Variants in TTC39B observed in about 807,000 individuals in gnomAD.
TTC39B encodes tetratricopeptide repeat protein 39B.
In TTC39B, 92 loss-of-function variants were observed where a neutral mutation model predicts 96.6. The ratio of observed to expected loss-of-function variants is 0.95; its 90% confidence interval spans 0.80 to 1.13. The LOEUF (loss-of-function observed/expected upper bound fraction) is 1.13. Ranked by LOEUF, TTC39B falls within the 50% of genes most tolerant of loss-of-function variation. The pLI is 0.00. For synonymous variants in TTC39B, 367 were observed against 299.4 expected, an observed-to-expected ratio of 1.23 and a Z score of -2.33; for missense variants, 955 against 809.3, an observed-to-expected ratio of 1.18 and a Z score of -2.18.
At position 15,176,187 on chromosome 9, in the gene TTC39B, T is replaced by C. The variant is rs114376348; in HGVS notation, c.1842-1052A>G. On this transcript the variant is annotated intron_variant, in intron 18 of 19. Transcript: ENST00000512701. ...ACTGTAGAGCAACTCTTCTTCAGTA[T>C]AGCCTCATGGGAATCTCAAGAAAAA... Among the ~76,000 whole-genome samples, 1,070 of 152,272 alleles carry C rather than the reference T, an allele frequency of 7.0e-3. 14 individuals carry two copies. The highest frequency in any genetic ancestry group is 0.024 in the African/African-American group (1,006 of 41,548).
intron 2 of TTC39B, among the ~76,000 whole-genome samples, chr9:15,250,840 G>A (rs1320833895): frequency 6.6e-6 from 1 of 152,188 alleles, no homozygotes; most frequent in Non-Finnish European, 1.5e-5. Flanking sequence ...TGCCTCAAGG[G>A]CTCTTGCACA....
chr9:15,265,030 C>A (rs1197302381), intron 2 of TTC39B, among the ~76,000 whole-genome samples: 2 of 151,888 alleles, frequency 1.3e-5, no homozygotes, highest in Admixed American at 6.6e-5. Flanking sequence ...ACTTATTTGA[C>A]AAAGGAGGTA....
At chr9:15,285,823 C>T (rs1272332765) in intron 1 of TTC39B, among the ~76,000 whole-genome samples, 1 of 152,130 alleles carries the variant, frequency 6.6e-6, no homozygotes, top group Non-Finnish European at 1.5e-5. Flanking sequence ...TGACTGCACT[C>T]CAGCCCAGGG....
intron 11 of TTC39B, 36 bp downstream of exon 11, chr9:15,190,518 T>C: frequency 6.3e-7 from 1 of 1,577,664 alleles, no homozygotes; most frequent in Non-Finnish European, 8.7e-7. Context: ...GCCAAGACAA[T>C]CAATGTTCAA....
At chr9:15,188,295 T>A (rs1235511014) in intron 13 of TTC39B, among the ~76,000 whole-genome samples, 163 bp from the exon 14 acceptor site, 1 of 152,244 alleles carries the variant, frequency 6.6e-6, no homozygotes, top group Non-Finnish European at 1.5e-5. Context: ...AATGATACAG[T>A]TAAGTTCTGC....
At chr9:15,247,646 T>A (rs1341164948) in intron 2 of TTC39B, among the ~76,000 whole-genome samples, 2 of 152,182 alleles carry the variant, frequency 1.3e-5, no homozygotes, top group Non-Finnish European at 2.9e-5. Context: ...TGAAGCATAA[T>A]CTGCCCATAA....
At chr9:15,288,913 T>C (rs1468780014) in intron 1 of TTC39B, among the ~76,000 whole-genome samples, 1 of 152,198 alleles carries the variant, frequency 6.6e-6, no homozygotes, top group Non-Finnish European at 1.5e-5. Flanking sequence ...CAGTCACACA[T>C]CCCATGAGGG....
At chr9:15,165,533 A>G (rs972566167) in exon 20 of TTC39B, 4 of 152,262 alleles carry the variant, frequency 2.6e-5, no homozygotes, top group African/African-American at 9.6e-5. Context: ...ATGAAGAAAT[A>G]TCTGAGACTG....
At chr9:15,182,479 CCAAA>C (rs1188496254) in intron 16 of TTC39B, 64 bp from the exon 17 acceptor site, 2 of 1,102,152 alleles carry the variant, frequency 1.8e-6, no homozygotes, top group South Asian at 1.5e-5. Context: ...TTTATGATCC[CCAAA>C]CAATGTTCAT....
intron 3 of TTC39B, among the ~76,000 whole-genome samples, chr9:15,218,250 A>T (rs1275139143): frequency 1.3e-5 from 2 of 150,956 alleles, no homozygotes; most frequent in African/African-American, 4.9e-5. Context: ...GTATAGCATG[A>T]TGTAAATAAT....
chr9:15,225,480 A>G (rs1205872645), intron 3 of TTC39B, among the ~76,000 whole-genome samples: 3 of 152,202 alleles, frequency 2.0e-5, no homozygotes, highest in Non-Finnish European at 4.4e-5. Context: ...TATTATGGTT[A>G]CAACTGTATC....
intron 11 of TTC39B, among the ~76,000 whole-genome samples, 182 bp downstream of exon 11, chr9:15,190,372 C>T (rs552517195): frequency 9.2e-5 from 14 of 152,158 alleles, no homozygotes; most frequent in African/African-American, 2.6e-4. Context: ...GACAGGATCT[C>T]GCTCTGTGGC....
chr9:15,289,310 A>G (rs1824094685), intron 1 of TTC39B, among the ~76,000 whole-genome samples: 1 of 152,260 alleles, frequency 6.6e-6, no homozygotes, highest in Non-Finnish European at 1.5e-5. Flanking sequence ...TAATCTTATT[A>G]TGATTCTTTC....
chr9:15,249,887 AGG>A, intron 2 of TTC39B: 1 of 1,237,114 alleles, frequency 8.1e-7, no homozygotes. Flanking sequence ...TCATAAACCC[AGG>A]AACTGCTAAA....
intron 1 of TTC39B, among the ~76,000 whole-genome samples, chr9:15,285,505 CGTATAAAT>C (rs1201091608): frequency 6.6e-6 from 1 of 152,050 alleles, no homozygotes; most frequent in Non-Finnish European, 1.5e-5. Flanking sequence ...TCACATGTAC[CGTATAAAT>C]GTATACGCCT....
At chr9:15,221,250 T>G (rs1204838295) in intron 3 of TTC39B, among the ~76,000 whole-genome samples, 2 of 152,178 alleles carry the variant, frequency 1.3e-5, no homozygotes, top group African/African-American at 4.8e-5. Flanking sequence ...TCCCATCATT[T>G]CTTCTACATT....
At chr9:15,241,049 C>A (rs752140890) in intron 2 of TTC39B, among the ~76,000 whole-genome samples, 1 of 152,164 alleles carries the variant, frequency 6.6e-6, no homozygotes, top group African/African-American at 2.4e-5. Context: ...GGCGCTCTCA[C>A]GAGTTCTCTA....
At chr9:15,225,428 T>G (rs903675320) in intron 3 of TTC39B, among the ~76,000 whole-genome samples, 1 of 152,116 alleles carries the variant, frequency 6.6e-6, no homozygotes, top group African/African-American at 2.4e-5. Flanking sequence ...GCAAAAAATG[T>G]AAGAAAGAAA....
intron 1 of TTC39B, among the ~76,000 whole-genome samples, chr9:15,294,159 C>A (rs990321056): frequency 6.6e-6 from 1 of 151,934 alleles, no homozygotes. Flanking sequence ...AGAGGCAAGG[C>A]GAAAATGGAC....
Sources: allele counts gnomAD v4.1 joint callset (sites outside exome capture counted in the v4.1 genomes callset), GRCh38; gene constraint gnomAD v4.1.1; transcripts MANE v1.5; gene names NCBI Gene and HGNC (gene_info 2026-07-23, HGNC 2026-07-21).